Variants in ANHX observed in about 807,000 individuals in gnomAD.
ANHX encodes the protein anomalous homeobox, also known as anomalous homeobox protein.
ANHX carries 20 observed loss-of-function variants against 38.9 expected under a neutral mutation model. That is an observed-to-expected ratio of 0.51 (90% CI 0.36 to 0.75). The LOEUF is 0.75. ANHX is among the 30% of genes least tolerant of loss of function. The probability of loss-of-function intolerance (pLI) is 0.00; values close to 1 mark genes in which losing one functional copy is unlikely to be tolerated. For synonymous variants in ANHX, 185 were observed against 203.1 expected (o/e 0.91, Z 0.76); for missense variants, 475 against 493.1 (o/e 0.96, Z 0.35).
intron 7 of ANHX, among the ~76,000 whole-genome samples, chr12:133,222,587 GA>G (rs1957125586): frequency 6.6e-6 from 1 of 152,144 alleles, no homozygotes; most frequent in Non-Finnish European, 1.5e-5. Flanking sequence ...AGTAAGTACA[GA>G]CAGGCAAATG....
At chr12:133,229,957 T>C (rs1217196042) in intron 3 of ANHX, among the ~76,000 whole-genome samples, 1 of 152,140 alleles carries the variant, frequency 6.6e-6, no homozygotes, top group African/African-American at 2.4e-5. Context: ...TCCCAGAAAC[T>C]TCTGCTCACA....
intron 3 of ANHX, 73 bp downstream of exon 3, chr12:133,231,444 C>G (rs948626507): frequency 6.6e-7 from 1 of 1,523,098 alleles, no homozygotes; most frequent in Non-Finnish European, 8.8e-7. Flanking sequence ...TTCAGCCCCT[C>G]TGGGCTTTGC....
rs183669573 is a variant in ANHX, at chr12:133,221,541, G to A, written c.1133-189C>T. Among the ~76,000 whole-genome samples, 1 of 152,194 alleles carries A rather than the reference G, an allele frequency of 6.6e-6. No individual in the cohort carries two copies. Among genetic ancestry groups the A allele is most frequent in the East Asian group, 1.9e-4 (1 of 5,194 alleles). ...TGAGGAAGGAACTGTCACAACCATT[G>A]ATCTCAACAGCCTTCCAGGCTTCCA... On this transcript the variant is annotated intron_variant, in intron 7 of 9. Coordinates refer to ENST00000545940, the MANE Select transcript of ANHX (RefSeq NM_001372060.1). This position sits in a 1 kb window ranked among gnomAD's most constrained non-coding sequence, Gnocchi z 4.1.
intron 3 of ANHX, among the ~76,000 whole-genome samples, chr12:133,230,804 C>T (rs1008601342): frequency 1.3e-5 from 2 of 152,018 alleles, no homozygotes; most frequent in Non-Finnish European, 2.9e-5. Context: ...TCTGGGCTAG[C>T]GTCCTGGCTT....
chr12:133,223,054 TGAAACATGC>T, intron 7 of ANHX, among the ~76,000 whole-genome samples: 1 of 151,912 alleles, frequency 6.6e-6, no homozygotes, highest in East Asian at 1.9e-4. Flanking sequence ...GCCAGCATGG[TGAAACATGC>T]CTGTAATCCC....
intron 2 of ANHX, among the ~76,000 whole-genome samples, chr12:133,232,371 G>A (rs904776512): frequency 1.5e-4 from 8 of 51,814 alleles, no homozygotes; most frequent in East Asian, 2.0e-3. Context: ...CTTTAACTAC[G>A]ATGCTGCCTG....
In ANHX at chr12:133,225,612, C is replaced by T. The variant is rs1342096113; in HGVS notation, c.1056G>A (p.Gly352=). 6.6e-6 allele frequency among the ~76,000 whole-genome samples: 1 copy of T among 152,232 alleles called. No individual in the cohort carries two copies. The highest frequency in any genetic ancestry group is 2.4e-5 in the African/African-American group (1 of 41,454). Residue 352 remains glycine (G), a synonymous_variant, in exon 7 of 10, where the codon GGG becomes GGA. Transcript: ENST00000545940. ...FQTGQLVHSH[G]LDFMMGPADT... ...CTGCAGGGCCCATCATGAAGTCCAG[C>T]CCATGGCTGTGGACCAGCTGCCCAG...
At chr12:133,230,585 T>C (rs1256016622) in intron 3 of ANHX, among the ~76,000 whole-genome samples, 4 of 152,088 alleles carry the variant, frequency 2.6e-5, no homozygotes, top group Admixed American at 6.5e-5. Flanking sequence ...GAGACCAGCC[T>C]GGGAAATATA....
chr12:133,221,335 T>TG lies in ANHX; in HGVS notation c.1149dup (p.Ser384GlnfsTer38), dbSNP rs768832482. The TG allele has an allele frequency of 2.5e-5, 38 of 1,535,070 alleles. No individual in the cohort carries two copies. Among genetic ancestry groups the TG allele is most frequent in the Admixed American group, 5.9e-5 (3 of 50,858 alleles). On this transcript the variant is annotated frameshift_variant, in exon 8 of 10. Coordinates refer to ENST00000545940, the MANE Select transcript of ANHX (RefSeq NM_001372060.1). LOFTEE classifies it high-confidence loss of function. The surrounding 1 kb of genome is among the most constrained non-coding windows in gnomAD (Gnocchi z 4.1). ...AATTGCACGCTCTGGGGATGGCCGC[T>TG]GGGGGGGCCAGAAAACCCTGCATGT...
intron 6 of ANHX, among the ~76,000 whole-genome samples, 174 bp downstream of exon 6, chr12:133,226,144 C>A (rs1005287624): frequency 3.3e-5 from 5 of 152,194 alleles, no homozygotes; most frequent in Non-Finnish European, 7.3e-5. Flanking sequence ...GCCACCCCCA[C>A]CCCAGTCCCT....
rs1294627414 is a variant in ANHX, at chr12:133,221,113, C to G, written c.1280+92G>C. On this transcript the variant is annotated intron_variant, in intron 8 of 9. Coordinates refer to ENST00000545940, the MANE Select transcript of ANHX (RefSeq NM_001372060.1). This position sits in a 1 kb window ranked among gnomAD's most constrained non-coding sequence, Gnocchi z 4.1. Reference sequence around the variant, plus strand: ...TCCAAAGGAGAGGACCCTATCTGCACAGTCCGGGACGGTGAGTCTATAAAC... The same window carrying G: ...TCCAAAGGAGAGGACCCTATCTGCAGAGTCCGGGACGGTGAGTCTATAAAC... 3.5e-6 allele frequency: 5 copies of G among 1,435,988 alleles called. No homozygotes were observed. The highest frequency in any genetic ancestry group is 4.6e-6 in the Non-Finnish European group (5 of 1,083,768). The allele number at this position is 1,435,988 out of a possible 1,614,324, so 89.0% of individuals were successfully genotyped here.
intron 1 of ANHX, chr12:133,234,597 G>A: frequency 3.8e-6 from 2 of 524,662 alleles, no homozygotes; most frequent in South Asian, 2.1e-5. Context: ...AGTCCTTAAC[G>A]AACACGGCTG....
intron 4 of ANHX, 92 bp downstream of exon 4, chr12:133,227,732 G>T: frequency 7.0e-7 from 1 of 1,438,118 alleles, no homozygotes; most frequent in African/African-American, 1.4e-5. Context: ...GGCGGATGAG[G>T]CCACTGAGGA....
chr12:133,232,991 G>A (rs1488834017), intron 2 of ANHX, among the ~76,000 whole-genome samples: 2 of 152,172 alleles, frequency 1.3e-5, no homozygotes, highest in Admixed American at 1.3e-4. Context: ...ACTGGAGAGT[G>A]AAGGAGGCAC....
chr12:133,234,282 C>G lies in ANHX; in HGVS notation c.75G>C (p.Ala25=), dbSNP rs561150572. The part of the protein sequence containing the change: ...CAPPAELVTL[A]GRLCRDFQDD... ...CCTGGAAGTCCCGGCACAGTCTGCC[C>G]GCAAGGGTCACCAGCTCCGCCGGGG... is the stretch of plus-strand genomic sequence containing the variant. The change falls in exon 2 of 10, where the codon GCG becomes GCC. Residue 25 remains alanine, a synonymous_variant. Coordinates refer to ENST00000545940, the MANE Select transcript of ANHX (RefSeq NM_001372060.1). 2 of 1,536,034 alleles carry G rather than the reference C, an allele frequency of 1.3e-6. No homozygotes were observed. The highest frequency in any genetic ancestry group is 2.7e-5 in the African/African-American group (2 of 73,050).
intron 1 of ANHX, chr12:133,234,581 T>C: frequency 3.4e-6 from 2 of 587,734 alleles, no homozygotes; most frequent in Non-Finnish European, 5.9e-6. Flanking sequence ...ATCCCCCAAA[T>C]ACTTTAGTCC....
chr12:133,232,466 C>A (rs950314349), intron 2 of ANHX, among the ~76,000 whole-genome samples: 1 of 152,150 alleles, frequency 6.6e-6, no homozygotes, highest in African/African-American at 2.4e-5. Flanking sequence ...CGGCAGTGAC[C>A]CCTCAGAGCC....
intron 7 of ANHX, among the ~76,000 whole-genome samples, chr12:133,224,822 C>G (rs1049259217): frequency 6.6e-6 from 1 of 151,228 alleles, no homozygotes; most frequent in South Asian, 2.1e-4. Context: ...AAAAAATTAG[C>G]CAGGCGTGGT....
At chr12:133,234,586 T>C in intron 1 of ANHX, 2 of 569,262 alleles carry the variant, frequency 3.5e-6, no homozygotes, top group African/African-American at 1.9e-5. Context: ...CCAAATACTT[T>C]AGTCCTTAAC....
Sources: gnomAD v4.1 joint callset for allele counts (sites outside exome capture counted in the v4.1 genomes callset) on GRCh38, gnomAD v4.1.1 for gene constraint, Gnocchi (gnomAD v3.1) non-coding constraint, MANE v1.5 for transcripts, NCBI Gene and HGNC (gene_info 2026-07-23, HGNC 2026-07-21) for gene names.